Variants in SETD5 observed in about 807,000 individuals in gnomAD.
The protein encoded by SETD5 is histone-lysine N-methyltransferase SETD5.
A neutral mutation model predicts 153.3 loss-of-function variants in SETD5; 44 were observed. That is an observed-to-expected ratio of 0.29 (90% CI 0.23 to 0.37). SETD5 has a LOEUF of 0.37. Among genes scored for constraint, SETD5 ranks in the 10% least tolerant of loss-of-function variants. The pLI, the probability that SETD5 is intolerant of heterozygous loss-of-function variation, is 1.00. For synonymous variants in SETD5, 716 were observed against 645.2 expected, an observed-to-expected ratio of 1.11 and a Z score of -1.66; for missense variants, 1,544 against 1,768.0, an observed-to-expected ratio of 0.87 and a Z score of 2.27.
intron 17 of SETD5, among the ~76,000 whole-genome samples, chr3:9,457,024 A>G (rs2043339316): frequency 6.6e-6 from 1 of 150,696 alleles, no homozygotes; most frequent in African/African-American, 2.5e-5. Context: ...AAAAGAGAAA[A>G]GAAAAGAAGA....
chr3:9,398,138 T>C (rs2034003330), intron 1 of SETD5, among the ~76,000 whole-genome samples, 161 bp downstream of exon 1: 1 of 150,950 alleles, frequency 6.6e-6, no homozygotes, highest in Non-Finnish European at 1.5e-5. Context: ...CCTCGCCGCC[T>C]TGCACACACC....
At chr3:9,461,229 A>G (rs1457698865) in intron 17 of SETD5, among the ~76,000 whole-genome samples, 3 of 152,232 alleles carry the variant, frequency 2.0e-5, no homozygotes, top group South Asian at 2.1e-4. Flanking sequence ...ACATGTAGCC[A>G]TTTGTTCTAA....
intron 1 of SETD5, among the ~76,000 whole-genome samples, chr3:9,405,884 T>C (rs1383763475): frequency 6.6e-6 from 1 of 152,198 alleles, no homozygotes; most frequent in African/African-American, 2.4e-5. Context: ...AAAATTCTGT[T>C]TCCTACCACC....
intron 1 of SETD5, among the ~76,000 whole-genome samples, chr3:9,413,845 T>G (rs1277806390): frequency 6.6e-6 from 1 of 152,142 alleles, no homozygotes; most frequent in African/African-American, 2.4e-5. Context: ...TGGTGTGATC[T>G]CTTCTCACTG....
chr3:9,413,637 G>T (rs1232023453), intron 1 of SETD5, among the ~76,000 whole-genome samples: 1 of 132,820 alleles, frequency 7.5e-6, no homozygotes, highest in African/African-American at 2.8e-5. Flanking sequence ...TTCTTCGGGT[G>T]GGGGGAGGCG....
chr3:9,424,037 G>A (rs952083496), intron 1 of SETD5, among the ~76,000 whole-genome samples: 1 of 152,166 alleles, frequency 6.6e-6, no homozygotes, highest in African/African-American at 2.4e-5. Context: ...GTAATTTAAT[G>A]GGTGATGATG....
At position 9,453,831 on chromosome 3, in the gene SETD5, G is replaced by A; in HGVS notation, c.2439G>A (p.Glu813=). 2 of 1,600,698 alleles carry A rather than the reference G, an allele frequency of 1.2e-6. No individual in the cohort carries two copies. Among genetic ancestry groups the A allele is most frequent in the Non-Finnish European group, 8.5e-7 (1 of 1,176,088 alleles). Residue 813 remains glutamate, a synonymous_variant, in exon 17 of 23, where the codon GAG becomes GAA. Transcript: ENST00000402198. ...TRTQHLYQSN[E]NSSSSSICKD... ...CTCAGCACCTATACCAAAGCAATGA[G>A]AATAGTAGCTCTTCTAGTATCTGCA...
chr3:9,464,903 A>G (rs1386195900), intron 18 of SETD5: 6 of 570,736 alleles, frequency 1.1e-5, no homozygotes, highest in Middle Eastern at 4.8e-4. Flanking sequence ...CCATTCATGT[A>G]TCTTTTGCAT....
chr3:9,475,787 C>A lies in SETD5; in HGVS notation c.4025C>A (p.Ser1342Tyr). ...AATCTTCCAAGGAGGAGCTGCCCTT[C>A]TAGTGCTGCTAGCCCTACCCTGCAG... Reference protein sequence around the residue: ...GSNLPRRSCPSSAASPTLQGP... With the variant: ...GSNLPRRSCPYSAASPTLQGP... The change falls in exon 23 of 23, where the codon TCT becomes TAT. Residue 1342 changes from serine to tyrosine, a missense_variant. This residue lies in a region of SETD5 where 302 missense variants were observed against 277.6 expected (regional missense o/e 1.09). Coordinates refer to ENST00000402198, the MANE Select transcript of SETD5 (RefSeq NM_001080517.3). The A allele has an allele frequency of 6.2e-7, 1 of 1,614,032 alleles. No homozygotes were observed. Among genetic ancestry groups the A allele is most frequent in the Non-Finnish European group, 8.5e-7 (1 of 1,179,900 alleles).
chr3:9,475,134 G>C lies in SETD5; in HGVS notation c.3698G>C (p.Ser1233Thr), dbSNP rs1469528484. The change falls in exon 22 of 23, where the codon AGC (serine) becomes ACC (threonine). Residue 1233 changes from serine (S) to threonine (T), a missense_variant. Transcript: ENST00000402198. ...CTCTCTAAAGGAGCAACAGTTTACA[G>C]CCCTTCCAGATACAGCTACCAGGTG... Reference protein sequence around the residue: ...SALSKGATVYSPSRYSYQLLQ... With the variant: ...SALSKGATVYTPSRYSYQLLQ... 2 of 1,587,026 alleles carry C rather than the reference G, an allele frequency of 1.3e-6. No individual in the cohort carries two copies. Among genetic ancestry groups the C allele is most frequent in the South Asian group, 2.3e-5 (2 of 86,258 alleles).
chr3:9,431,476 T>G, intron 3 of SETD5: 1 of 944,898 alleles, frequency 1.1e-6, no homozygotes, highest in Non-Finnish European at 1.3e-6. Flanking sequence ...AAAACTAGTA[T>G]ATATATCAAG....
At chr3:9,475,278 G>A in intron 22 of SETD5, 122 bp downstream of exon 22, 1 of 1,155,180 alleles carries the variant, frequency 8.7e-7, no homozygotes, top group Non-Finnish European at 1.2e-6. Context: ...TTGGAAATAA[G>A]TCATCATCTG....
chr3:9,423,829 C>T (rs1366638486), intron 1 of SETD5, among the ~76,000 whole-genome samples: 1 of 152,160 alleles, frequency 6.6e-6, no homozygotes, highest in Non-Finnish European at 1.5e-5. Flanking sequence ...TAGGAAAAAA[C>T]ACCAGAGACT....
chr3:9,476,015 G>C lies in SETD5; in HGVS notation c.4253G>C (p.Gly1418Ala). 6.2e-7 allele frequency: 1 copy of C among 1,614,018 alleles called. No homozygotes were observed. The highest frequency in any genetic ancestry group is 1.1e-5 in the South Asian group (1 of 91,086). ...AATTCACAGCACTACCCACACCGTG[G>C]GAGTGGGGGTGTGCACCAGTACCGA... ...VSNSQHYPHR[G>A]SGGVHQYRLQ... The change falls in exon 23 of 23, where the codon GGG becomes GCG. Residue 1418 changes from glycine to alanine, a missense_variant. By Grantham distance (60) the Gly-to-Ala change is moderately conservative (BLOSUM62 0). Coordinates refer to ENST00000402198, the MANE Select transcript of SETD5 (RefSeq NM_001080517.3).
chr3:9,397,645 G>C lies in SETD5; in HGVS notation c.-509G>C, dbSNP rs1463845257. 2 of 148,162 alleles carry C rather than the reference G, an allele frequency of 1.3e-5. No individual in the cohort carries two copies. Among genetic ancestry groups the C allele is most frequent in the African/African-American group, 5.9e-5 (2 of 34,048 alleles). 9.2% of individuals were successfully genotyped at this position (148,162 alleles called of 1,614,324 possible). ...CGTTTCCGCTCGGGCAGCGGGCTGA[G>C]TGAGCTGCCGCCGCCGCCGCCGCCG... On this transcript the variant is annotated 5_prime_UTR_variant, in exon 1 of 23. Coordinates refer to ENST00000402198, the MANE Select transcript of SETD5 (RefSeq NM_001080517.3).
At chr3:9,462,097 A>G (rs2044018721) in intron 17 of SETD5, among the ~76,000 whole-genome samples, 1 of 152,098 alleles carries the variant, frequency 6.6e-6, no homozygotes, top group Non-Finnish European at 1.5e-5. Flanking sequence ...AACATCTCCT[A>G]CCCTAGTTTA....
intron 18 of SETD5, 122 bp downstream of exon 18, chr3:9,464,794 G>A (rs763850903): frequency 4.0e-5 from 60 of 1,504,484 alleles, no homozygotes; most frequent in Middle Eastern, 3.7e-4. Flanking sequence ...CTCAGTAAGA[G>A]AATGGGAAAC....
chr3:9,451,146 AGT>A (rs1331552241), intron 16 of SETD5, among the ~76,000 whole-genome samples: 1 of 152,214 alleles, frequency 6.6e-6, no homozygotes, highest in Non-Finnish European at 1.5e-5. Context: ...TAGAAAAACC[AGT>A]CTGACTGATA....
At chr3:9,441,806 A>G in intron 9 of SETD5, 65 bp downstream of exon 9, 1 of 1,596,486 alleles carries the variant, frequency 6.3e-7, no homozygotes, top group East Asian at 2.2e-5. Flanking sequence ...GTTGTTGTAA[A>G]AATCATTCTG....
Sources: allele counts gnomAD v4.1 joint callset (sites outside exome capture counted in the v4.1 genomes callset), GRCh38; gene constraint gnomAD v4.1.1; regional missense constraint gnomAD v4.1.1; transcripts MANE v1.5; gene names NCBI Gene and HGNC (gene_info 2026-07-23, HGNC 2026-07-21).